UACA: variants seen among roughly 807,000 people sequenced by gnomAD.
UACA encodes the protein nuclear membrane binding protein.
Under a neutral mutation model 160.5 loss-of-function variants are expected in UACA, and 112 were observed. The observed-to-expected ratio is 0.70, with a 90% CI of 0.60 to 0.82. The LOEUF (loss-of-function observed/expected upper bound fraction) is 0.82. Ranked by LOEUF, UACA falls within the 40% of genes least tolerant of loss-of-function variation. The pLI is 0.00. For synonymous variants in UACA, 557 were observed against 568.4 expected, an observed-to-expected ratio of 0.98 and a Z score of 0.29; for missense variants, 1,574 against 1,614.6, an observed-to-expected ratio of 0.97 and a Z score of 0.43.
At chr15:70,661,592 T>G (rs1896707929) in intron 17 of UACA, 1 of 152,190 alleles carries the variant, frequency 6.6e-6, no homozygotes, top group Non-Finnish European at 1.5e-5. Flanking sequence ...CAAACAATTC[T>G]ATGAAATAGG....
intron 1 of UACA, among the ~76,000 whole-genome samples, chr15:70,712,613 C>T (rs568637553): frequency 6.6e-6 from 1 of 152,260 alleles, no homozygotes; most frequent in Admixed American, 6.5e-5. Context: ...ACAGTGCTGC[C>T]CTCACTTGCC....
At chr15:70,771,823 T>G in the UACA span, among the ~76,000 whole-genome samples, 1 of 147,872 alleles carries the variant, frequency 6.8e-6, no homozygotes, top group Non-Finnish European at 1.5e-5. Context: ...AAAACAGCAA[T>G]GCAACGGCCC....
chr15:70,666,346 G>A (rs1458944022), intron 16 of UACA, among the ~76,000 whole-genome samples: 1 of 152,126 alleles, frequency 6.6e-6, no homozygotes, highest in East Asian at 1.9e-4. Context: ...TGAGTACCGA[G>A]ATCAACTCTA....
chr15:70,766,197 G>A (rs2031005859), upstream of UACA, among the ~76,000 whole-genome samples: 1 of 152,180 alleles, frequency 6.6e-6, no homozygotes, highest in Non-Finnish European at 1.5e-5. Flanking sequence ...CCATTTGAGA[G>A]CAGCTAAGTA....
In UACA at chr15:70,763,550, G is replaced by A; in HGVS notation, c.-143C>T. ...TGCCACCTGCGGGCCCCGGGCAGCA[G>A]ACGTCGACAGGCCTGAGGCGGGGCT... On this transcript the variant is annotated 5_prime_UTR_variant, in exon 1 of 19. Coordinates refer to ENST00000322954, the MANE Select transcript of UACA (RefSeq NM_018003.4). 1 of 1,243,496 alleles carries A rather than the reference G, an allele frequency of 8.0e-7. No homozygotes were observed. Among genetic ancestry groups the A allele is most frequent in the South Asian group, 3.7e-5 (1 of 27,258 alleles). The allele number at this position is 1,243,496 out of a possible 1,614,324, so 77.0% of individuals were successfully genotyped here. A position where few individuals can be genotyped will look rare whatever the true frequency, so the allele number is the denominator to read the frequency against.
chr15:70,744,019 C>T (rs1024668128), intron 1 of UACA, among the ~76,000 whole-genome samples: 1 of 151,854 alleles, frequency 6.6e-6, no homozygotes, highest in African/African-American at 2.4e-5. Context: ...CCGAGACGGG[C>T]GGATCACGAG....
the UACA span, among the ~76,000 whole-genome samples, chr15:70,773,413 T>C: frequency 6.6e-6 from 1 of 152,146 alleles, no homozygotes; most frequent in Non-Finnish European, 1.5e-5. Flanking sequence ...AAGACATCAG[T>C]GGAAAGTTTT....
chr15:70,751,692 T>G (rs930573320), intron 1 of UACA, among the ~76,000 whole-genome samples: 39 of 152,184 alleles, frequency 2.6e-4, no homozygotes, highest in African/African-American at 8.4e-4. Context: ...AGTTTGACCC[T>G]GTATCATCAA....
At chr15:70,678,981 C>T (rs750421669) in intron 10 of UACA, among the ~76,000 whole-genome samples, 25 of 152,094 alleles carry the variant, frequency 1.6e-4, no homozygotes, top group Non-Finnish European at 1.8e-4. Context: ...TTAAATCAAA[C>T]AGTTATATAA....
chr15:70,774,545 C>CAAAAAAAAA, the UACA span, among the ~76,000 whole-genome samples: 41 of 82,456 alleles, frequency 5.0e-4, 2 homozygotes, highest in Admixed American at 1.5e-3. Context: ...GACTCTGTCT[C>CAAAAAAAAA]AAAAAAAAAA....
chr15:70,707,176 C>T (rs1898544994), intron 1 of UACA, among the ~76,000 whole-genome samples: 1 of 152,100 alleles, frequency 6.6e-6, no homozygotes, highest in African/African-American at 2.4e-5. Flanking sequence ...CAAGAGCACT[C>T]AATAGAGAAA....
intron 1 of UACA, among the ~76,000 whole-genome samples, chr15:70,735,369 A>C (rs755226849): frequency 1.3e-5 from 2 of 151,912 alleles, no homozygotes; most frequent in African/African-American, 2.4e-5. Context: ...ATGCAGATTC[A>C]TAAACAAACA....
At chr15:70,746,135 G>A (rs1372762045) in intron 1 of UACA, among the ~76,000 whole-genome samples, 9 of 151,982 alleles carry the variant, frequency 5.9e-5, no homozygotes, top group Non-Finnish European at 1.2e-4. Context: ...CTGACAAATG[G>A]GATCTAATTA....
intron 16 of UACA, among the ~76,000 whole-genome samples, chr15:70,665,608 A>C (rs913186839): frequency 2.0e-5 from 3 of 152,206 alleles, no homozygotes; most frequent in Non-Finnish European, 4.4e-5. Flanking sequence ...AAAAATAATA[A>C]TAGAAAAAAA....
Position 70,691,359 on chromosome 15 carries a change from T to C in UACA, c.306A>G (p.Arg102=), listed in dbSNP as rs1197933688. 1.9e-6 allele frequency: 3 copies of C among 1,605,930 alleles called. No homozygotes were observed. The African/African-American group carries it at 4.0e-5, about 22-fold the overall frequency. The change falls in exon 4 of 19, where the codon AGA becomes AGG. Residue 102 remains arginine, a synonymous_variant. Transcript: ENST00000322954. ...ACTTAGCAGCCAGGTGAAGAGCATT[T>C]CTCCCTATAAATAATTTAAGATACA... The part of the protein sequence containing the change: ...VDITTSDTAG[R]NALHLAAKYG...
At chr15:70,685,323 T>C (rs1044494219) in intron 7 of UACA, among the ~76,000 whole-genome samples, 1 of 152,174 alleles carries the variant, frequency 6.6e-6, no homozygotes. Context: ...AGGATGGGGC[T>C]AACCAACACG....
chr15:70,705,376 A>G lies in UACA; in HGVS notation c.79-5716T>C, dbSNP rs558111195. 5.9e-5 allele frequency among the ~76,000 whole-genome samples: 9 copies of G among 152,110 alleles called. No homozygotes were observed. The South Asian group carries it at 1.9e-3, about 32-fold the overall frequency. ...TAGTAGAGAAACCCCGTCTCTATTA[A>G]AAATACAAAATTAGCCAGGCATGGT... On this transcript the variant is annotated intron_variant, in intron 1 of 18. Coordinates refer to ENST00000322954, the MANE Select transcript of UACA (RefSeq NM_018003.4).
chr15:70,692,146 T>C (rs1897960562), intron 3 of UACA, among the ~76,000 whole-genome samples: 1 of 152,194 alleles, frequency 6.6e-6, no homozygotes, highest in Non-Finnish European at 1.5e-5. Context: ...AATTTCCCTC[T>C]AATCTCACAA....
At chr15:70,728,627 G>C (rs1899223310) in intron 1 of UACA, among the ~76,000 whole-genome samples, 1 of 148,342 alleles carries the variant, frequency 6.7e-6, no homozygotes, top group Non-Finnish European at 1.5e-5. Context: ...CTGGAAATCA[G>C]CCTCGGCAAA....
Sources: allele counts gnomAD v4.1 joint callset (sites outside exome capture counted in the v4.1 genomes callset), GRCh38; gene constraint gnomAD v4.1.1; transcripts MANE v1.5; gene names NCBI Gene and HGNC (gene_info 2026-07-23, HGNC 2026-07-21).